UBE2QL1: variants seen among roughly 807,000 people sequenced by gnomAD.
UBE2QL1 encodes ubiquitin-conjugating enzyme E2Q-like protein 1.
UBE2QL1 carries 5 observed loss-of-function variants against 12.6 expected under a neutral mutation model. The ratio of observed to expected loss-of-function variants is 0.40; its 90% CI spans 0.21 to 0.83. The LOEUF (loss-of-function observed/expected upper bound fraction) is 0.83. Among genes scored for constraint, UBE2QL1 ranks in the 40% least tolerant of loss-of-function variants. UBE2QL1 has a pLI of 0.37. For missense variants in UBE2QL1, 99 were observed against 222.6 expected (o/e 0.44, Z 3.53); for synonymous variants, 96 against 94.5 (o/e 1.02, Z -0.10).
At chr5:6,484,189 G>A (rs1460443498) in intron 1 of UBE2QL1, among the ~76,000 whole-genome samples, 2 of 152,226 alleles carry the variant, frequency 1.3e-5, no homozygotes, top group Admixed American at 1.3e-4. Flanking sequence ...AACTTTGAGT[G>A]AAACCCAACA....
chr5:6,475,694 G>A (rs1734214260), intron 1 of UBE2QL1, among the ~76,000 whole-genome samples: 1 of 138,984 alleles, frequency 7.2e-6, no homozygotes, highest in African/African-American at 2.6e-5. Flanking sequence ...GGAAGTGTGA[G>A]CATGGGGGGT....
intron 1 of UBE2QL1, among the ~76,000 whole-genome samples, chr5:6,449,875 C>A (rs550571815): frequency 4.1e-5 from 6 of 147,990 alleles, no homozygotes; most frequent in African/African-American, 1.3e-4. Flanking sequence ...CCAACCCCCC[C>A]CACACACACA....
At chr5:6,475,155 C>G (rs1362627131) in intron 1 of UBE2QL1, among the ~76,000 whole-genome samples, 1 of 152,148 alleles carries the variant, frequency 6.6e-6, no homozygotes, top group Non-Finnish European at 1.5e-5. Flanking sequence ...TTGCAATGCC[C>G]TTATACAAAT....
intron 1 of UBE2QL1, among the ~76,000 whole-genome samples, chr5:6,480,149 C>T (rs1734330197): frequency 6.6e-6 from 1 of 152,206 alleles, no homozygotes; most frequent in Admixed American, 6.5e-5. Flanking sequence ...GACCCTTCCG[C>T]ACGTTTCTGA....
chr5:6,469,669 C>T (rs1301190263), intron 1 of UBE2QL1, among the ~76,000 whole-genome samples: 1 of 151,464 alleles, frequency 6.6e-6, no homozygotes, highest in Non-Finnish European at 1.5e-5. Context: ...AAACAGTATA[C>T]ACTTATATGT....
chr5:6,488,879 A>C (rs1316001588), intron 1 of UBE2QL1, among the ~76,000 whole-genome samples: 1 of 152,212 alleles, frequency 6.6e-6, no homozygotes, highest in Non-Finnish European at 1.5e-5. Context: ...ATGTTTAATA[A>C]GATAACTTTG....
chr5:6,487,064 T>C (rs1051693619), intron 1 of UBE2QL1, among the ~76,000 whole-genome samples: 7 of 152,176 alleles, frequency 4.6e-5, no homozygotes, highest in African/African-American at 1.7e-4. Context: ...CATCACTTTG[T>C]CTTGTTTGAC....
chr5:6,453,697 GCACACACATGTGCA>G (rs995277739), intron 1 of UBE2QL1, among the ~76,000 whole-genome samples: 1 of 117,414 alleles, frequency 8.5e-6, no homozygotes, highest in Non-Finnish European at 1.8e-5. Flanking sequence ...AAGCACAAGT[GCACACACATGTGCA>G]CACACACACA....
At chr5:6,482,370 C>T (rs71600228) in intron 1 of UBE2QL1, among the ~76,000 whole-genome samples, 1 of 152,202 alleles carries the variant, frequency 6.6e-6, no homozygotes, top group Non-Finnish European at 1.5e-5. Context: ...TCGCCCACCT[C>T]CACCCCCCAG....
At position 6,479,506 on chromosome 5, in the gene UBE2QL1, G is replaced by A. The variant is rs1304966781; in HGVS notation, c.355-11712G>A. Among the ~76,000 whole-genome samples the A allele has an allele frequency of 1.3e-5, 2 of 152,166 alleles. No homozygotes were observed. Among genetic ancestry groups the A allele is most frequent in the East Asian group, 3.9e-4 (2 of 5,182 alleles). ...GTGCCTTAATGGAGCCAAGTCCAAG[G>A]AGTAAAATGTTGAAGCAAATGAAGA... On this transcript the variant is annotated intron_variant, in intron 1 of 1. Coordinates refer to ENST00000399816, the MANE Select transcript of UBE2QL1 (RefSeq NM_001145161.3). This position sits in a 1 kb window ranked among gnomAD's most constrained non-coding sequence, Gnocchi z 4.2.
chr5:6,466,751 C>T (rs984966111), intron 1 of UBE2QL1, among the ~76,000 whole-genome samples: 7 of 152,244 alleles, frequency 4.6e-5, no homozygotes, highest in African/African-American at 1.2e-4. Flanking sequence ...CATGTCACTC[C>T]GGCCCTACAT....
chr5:6,467,077 T>C (rs1422999364), intron 1 of UBE2QL1, among the ~76,000 whole-genome samples: 1 of 152,136 alleles, frequency 6.6e-6, no homozygotes, highest in Non-Finnish European at 1.5e-5. Context: ...CATCTTTTCT[T>C]TTATTTCATT....
At chr5:6,451,437 A>G (rs1335630154) in intron 1 of UBE2QL1, among the ~76,000 whole-genome samples, 2 of 152,232 alleles carry the variant, frequency 1.3e-5, no homozygotes, top group African/African-American at 2.4e-5. Flanking sequence ...TTGAGATTCT[A>G]ACATACAGTT....
At position 6,463,622 on chromosome 5, in the gene UBE2QL1, ATTATTATTATTATT is replaced by A. The variant is rs543157498; in HGVS notation, c.354+14376_354+14389del. On this transcript the variant is annotated intron_variant, in intron 1 of 1. Transcript: ENST00000399816. The stretch of plus-strand genomic sequence containing the variant: ...TGTTATTATTATTATTATTATTATT[ATTATTATTATTATT>A]ATTATTTTTGATGCGGAGTCTTGCT... Among the ~76,000 whole-genome samples the A allele has an allele frequency of 4.2e-3, 623 of 147,106 alleles. 5 individuals are homozygous for A. Among genetic ancestry groups the A allele is most frequent in the African/African-American group, 0.015 (600 of 40,550 alleles).
Position 6,456,771 on chromosome 5 carries a change from G to C in UBE2QL1, c.354+7524G>C, listed in dbSNP as rs187658180. On this transcript the variant is annotated intron_variant, in intron 1 of 1. Coordinates refer to ENST00000399816, the MANE Select transcript of UBE2QL1 (RefSeq NM_001145161.3). The stretch of plus-strand genomic sequence containing the variant: ...TGGGAGGACCAAGGACACCGGACTG[G>C]GAGAGCAGATTTGGGACCAATCAGG... 1.1e-4 allele frequency among the ~76,000 whole-genome samples: 17 copies of C among 152,218 alleles called. No individual in the cohort carries two copies. In the East Asian group the frequency reaches 2.9e-3, roughly 26 times the overall value.
Position 6,481,218 on chromosome 5 carries a change from T to G in UBE2QL1, c.355-10000T>G, listed in dbSNP as rs1428245726. On this transcript the variant is annotated intron_variant, in intron 1 of 1. Coordinates refer to ENST00000399816, the MANE Select transcript of UBE2QL1 (RefSeq NM_001145161.3). The surrounding 1 kb of genome is among the most constrained non-coding windows in gnomAD (Gnocchi z 4.5). ...GATTTCCTGCTTCTCCTCTTGACTGTCCCCAGCCAAACACACCCATCCTCC... is the reference window on the plus strand; with the variant it reads ...GATTTCCTGCTTCTCCTCTTGACTGGCCCCAGCCAAACACACCCATCCTCC... 6.6e-6 allele frequency among the ~76,000 whole-genome samples: 1 copy of G among 152,152 alleles called. No individual in the cohort carries two copies. Among genetic ancestry groups the G allele is most frequent in the African/African-American group, 2.4e-5 (1 of 41,424 alleles).
intron 1 of UBE2QL1, among the ~76,000 whole-genome samples, chr5:6,469,348 A>G (rs943088999): frequency 4.6e-5 from 7 of 151,778 alleles, no homozygotes; most frequent in Admixed American, 4.6e-4. Context: ...CCAAAATATT[A>G]TAAGGCTGGG....
At chr5:6,466,081 C>T (rs1739784012) in intron 1 of UBE2QL1, among the ~76,000 whole-genome samples, 1 of 152,072 alleles carries the variant, frequency 6.6e-6, no homozygotes, top group African/African-American at 2.4e-5. Context: ...CTCCCAGGGC[C>T]CTGAGCAGTG....
At chr5:6,477,067 T>C (rs1734248827) in intron 1 of UBE2QL1, among the ~76,000 whole-genome samples, 1 of 151,944 alleles carries the variant, frequency 6.6e-6, no homozygotes, top group African/African-American at 2.4e-5. Context: ...GGGCAGGAAG[T>C]AGGACCCTCT....
Sources: gnomAD v4.1 joint callset for allele counts (sites outside exome capture counted in the v4.1 genomes callset) on GRCh38, gnomAD v4.1.1 for gene constraint, Gnocchi (gnomAD v3.1) non-coding constraint, MANE v1.5 for transcripts, NCBI Gene and HGNC (gene_info 2026-07-23, HGNC 2026-07-21) for gene names.